Variants in SSBP1 observed in about 807,000 individuals in gnomAD.
The protein encoded by SSBP1 is single-stranded DNA-binding protein, mitochondrial.
Under a neutral mutation model 27.0 loss-of-function variants are expected in SSBP1, and 20 were observed. The ratio of observed to expected loss-of-function variants is 0.74; its 90% confidence interval spans 0.52 to 1.08. The LOEUF (loss-of-function observed/expected upper bound fraction) is 1.08, where lower values mean the gene tolerates loss of function less well. Ranked by LOEUF, SSBP1 falls within the 50% of genes least tolerant of loss-of-function variation. SSBP1 has a pLI of 0.00. For synonymous variants in SSBP1, 59 were observed against 59.3 expected, an observed-to-expected ratio of 1.00 and a Z score of 0.02; for missense variants, 137 against 182.4, an observed-to-expected ratio of 0.75 and a Z score of 1.44.
At chr7:141,743,100 G>C (rs13227309) in intron 3 of SSBP1, among the ~76,000 whole-genome samples, 1 of 152,114 alleles carries the variant, frequency 6.6e-6, no homozygotes, top group Non-Finnish European at 1.5e-5. Context: ...TGATCCGCCC[G>C]CCTTGGCCTC....
At chr7:141,747,702 A>T (rs1160227039) in intron 6 of SSBP1, among the ~76,000 whole-genome samples, 6 of 151,100 alleles carry the variant, frequency 4.0e-5, no homozygotes, top group Admixed American at 3.9e-4. Flanking sequence ...AATATTTTTT[A>T]AAAATTGATT....
At chr7:141,739,334 G>A in intron 2 of SSBP1, 144 bp downstream of exon 2, 1 of 548,984 alleles carries the variant, frequency 1.8e-6, no homozygotes, top group Non-Finnish European at 3.0e-6. Context: ...GGAGGATTGG[G>A]GACGATTTTG....
At chr7:141,748,964 T>C (rs1799878067) in intron 6 of SSBP1, among the ~76,000 whole-genome samples, 1 of 152,206 alleles carries the variant, frequency 6.6e-6, no homozygotes, top group Admixed American at 6.5e-5. Context: ...TGAACAAATA[T>C]TCAGTCCTTG....
At position 141,743,936 on chromosome 7, in the gene SSBP1, A is replaced by G; in HGVS notation, c.261A>G (p.Ile87Met). Residue 87 changes from isoleucine to methionine, a missense_variant, in exon 5 of 7, where the codon ATA becomes ATG. Around this residue, in one of 2 missense-constraint regions of SSBP1, gnomAD observed 95 missense variants for 152.0 expected, o/e 0.62. Coordinates refer to ENST00000265304, the MANE Select transcript of SSBP1 (RefSeq NM_003143.3). Reference sequence around the variant, plus strand: ...GTCAAAAGACAACATGGCACAGAATATCAGTATTCCGGCCAGGCCTCAGAG... The same window carrying G: ...GTCAAAAGACAACATGGCACAGAATGTCAGTATTCCGGCCAGGCCTCAGAG... ...DVSQKTTWHR[I>M]SVFRPGLRDV... 6.2e-7 allele frequency: 1 copy of G among 1,613,044 alleles called. No individual in the cohort carries two copies. The highest frequency in any genetic ancestry group is 8.5e-7 in the Non-Finnish European group (1 of 1,179,990).
chr7:141,740,638 G>A (rs1490607569), intron 2 of SSBP1: 2 of 152,194 alleles, frequency 1.3e-5, no homozygotes, highest in Non-Finnish European at 2.9e-5. Flanking sequence ...AATGATTGCT[G>A]CTATTATGTG....
intron 3 of SSBP1, among the ~76,000 whole-genome samples, chr7:141,743,131 G>A (rs1016473418): frequency 1.3e-5 from 2 of 152,220 alleles, no homozygotes; most frequent in Admixed American, 1.3e-4. Context: ...GGGATTACAG[G>A]CGTGAGCCAC....
intron 6 of SSBP1, chr7:141,746,381 A>T (rs548796673): frequency 6.6e-6 from 1 of 150,504 alleles, no homozygotes; most frequent in Non-Finnish European, 1.5e-5. Flanking sequence ...CCCTCTGTCA[A>T]CCAGGCTGGA....
chr7:141,746,338 C>T (rs1584769862), intron 6 of SSBP1: 1 of 150,008 alleles, frequency 6.7e-6, no homozygotes. Flanking sequence ...TTTTAATTTT[C>T]TCTTTTTTTG....
At chr7:141,749,025 A>T (rs1269031172) in intron 6 of SSBP1, among the ~76,000 whole-genome samples, 4 of 152,236 alleles carry the variant, frequency 2.6e-5, no homozygotes, top group Non-Finnish European at 5.9e-5. Context: ...AAGGAAATGC[A>T]GTCATTCCTC....
At chr7:141,745,460 A>T in intron 5 of SSBP1, 36 bp from the exon 6 acceptor site, 1 of 1,542,426 alleles carries the variant, frequency 6.5e-7, no homozygotes, top group Non-Finnish European at 8.8e-7. Flanking sequence ...GCATATTAAG[A>T]TCTCAACTAA....
chr7:141,739,748 C>G (rs1455883541), intron 2 of SSBP1: 1 of 152,234 alleles, frequency 6.6e-6, no homozygotes, highest in Non-Finnish European at 1.5e-5. Flanking sequence ...CATTCGGGCA[C>G]CAGCTCCTGT....
At chr7:141,750,232 A>G in intron 6 of SSBP1, 79 bp from the exon 7 acceptor site, 1 of 1,012,638 alleles carries the variant, frequency 9.9e-7, no homozygotes, top group Non-Finnish European at 1.5e-6. Context: ...CACTAAAGTT[A>G]TATGTATTAG....
chr7:141,738,765 T>C (rs982565043), intron 1 of SSBP1: 1 of 166,196 alleles, frequency 6.0e-6, no homozygotes, highest in African/African-American at 2.4e-5. Flanking sequence ...TTAAGAACTT[T>C]TTTAGAAGTT....
chr7:141,744,646 G>T (rs1274617835), intron 5 of SSBP1, among the ~76,000 whole-genome samples: 1 of 152,152 alleles, frequency 6.6e-6, no homozygotes, highest in African/African-American at 2.4e-5. Context: ...AAATAATTTA[G>T]CAATCACTAA....
At chr7:141,748,424 CAT>C (rs1199276287) in intron 6 of SSBP1, among the ~76,000 whole-genome samples, 1 of 152,162 alleles carries the variant, frequency 6.6e-6, no homozygotes, top group Non-Finnish European at 1.5e-5. Context: ...CTCCAGAGTT[CAT>C]GTCTTAACCA....
At chr7:141,738,852 C>T in intron 1 of SSBP1, 1 of 302,924 alleles carries the variant, frequency 3.3e-6, no homozygotes, top group Non-Finnish European at 6.1e-6. Flanking sequence ...TTTGAGAAGA[C>T]AGTGGATTGG....
intron 2 of SSBP1, chr7:141,741,919 A>G: frequency 3.3e-6 from 2 of 612,284 alleles, no homozygotes. Flanking sequence ...AAATGGGAGT[A>G]CTATAACTTA....
At chr7:141,743,338 C>T (rs764630983) in intron 3 of SSBP1, among the ~76,000 whole-genome samples, 2 of 152,208 alleles carry the variant, frequency 1.3e-5, no homozygotes, top group Admixed American at 6.5e-5. Context: ...GCCTTCTCAC[C>T]GTGTCTTCAT....
intron 6 of SSBP1, among the ~76,000 whole-genome samples, chr7:141,748,602 G>A (rs963714868): frequency 1.3e-5 from 2 of 151,932 alleles, no homozygotes; most frequent in African/African-American, 2.4e-5. Context: ...AGATTGTTCG[G>A]ATTATTGAGT....
Sources: allele counts gnomAD v4.1 joint callset (sites outside exome capture counted in the v4.1 genomes callset), GRCh38; gene constraint gnomAD v4.1.1; regional missense constraint gnomAD v4.1.1; transcripts MANE v1.5; gene names NCBI Gene and HGNC (gene_info 2026-07-23, HGNC 2026-07-21).